The following KPNA4 variants were observed in gnomAD, a reference collection of about 807,000 sequenced individuals.
The protein encoded by KPNA4 is karyopherin subunit alpha 4.
In KPNA4, 13 loss-of-function variants were observed where a neutral mutation model predicts 71.3. The observed-to-expected ratio is 0.18, with a 90% CI of 0.12 to 0.29. The LOEUF (loss-of-function observed/expected upper bound fraction) is 0.29, where lower values mean the gene tolerates loss of function less well. KPNA4 is among the 10% of genes least tolerant of loss of function. KPNA4 has a pLI of 1.00. For missense variants in KPNA4, 334 were observed against 603.2 expected (o/e 0.55, Z 4.67); for synonymous variants, 189 against 195.2 (o/e 0.97, Z 0.26).
intron 1 of KPNA4, among the ~76,000 whole-genome samples, chr3:160,545,130 C>G (rs1221225966): frequency 6.6e-6 from 1 of 152,200 alleles, no homozygotes; most frequent in Non-Finnish European, 1.5e-5. Flanking sequence ...TTCAAATAAG[C>G]TATTTTTCCT....
chr3:160,516,113 A>G (rs1012098014), intron 11 of KPNA4, among the ~76,000 whole-genome samples: 7 of 151,878 alleles, frequency 4.6e-5, no homozygotes, highest in Non-Finnish European at 2.9e-5. Context: ...CAGCCTCCTG[A>G]GCAGCTGGGA....
At chr3:160,540,085 C>T (rs1214678825) in intron 1 of KPNA4, among the ~76,000 whole-genome samples, 10 of 150,756 alleles carry the variant, frequency 6.6e-5, no homozygotes, top group African/African-American at 2.4e-4. Flanking sequence ...CTGCAACCTC[C>T]GCCTCCTGGG....
At chr3:160,543,341 G>GT (rs1721844224) in intron 1 of KPNA4, among the ~76,000 whole-genome samples, 1 of 152,010 alleles carries the variant, frequency 6.6e-6, no homozygotes, top group East Asian at 1.9e-4. Context: ...CTCAAAAACT[G>GT]TATCATTTTT....
intron 15 of KPNA4, among the ~76,000 whole-genome samples, chr3:160,505,914 C>CA (rs1208179946): frequency 3.9e-5 from 6 of 152,196 alleles, no homozygotes; most frequent in Non-Finnish European, 8.8e-5. Context: ...ACCTAAAACT[C>CA]AAACTGTCCA....
In KPNA4 at chr3:160,498,203, A is replaced by T. The variant is rs1720804219; in HGVS notation, c.*3901T>A. On this transcript the variant is annotated 3_prime_UTR_variant, in exon 17 of 17. Coordinates refer to ENST00000334256, the MANE Select transcript of KPNA4 (RefSeq NM_002268.5). ...ACTCTTATGAATCCCCTAAAACTGT[A>T]TGAAAAACTACCATGTATATACACT... The T allele has an allele frequency of 6.6e-6, 1 of 152,156 alleles. No homozygotes were observed. Among genetic ancestry groups the T allele is most frequent in the Non-Finnish European group, 1.5e-5 (1 of 68,028 alleles). The allele number at this position is 152,156 out of a possible 1,614,324, so 9.4% of individuals were successfully genotyped here.
intron 11 of KPNA4, among the ~76,000 whole-genome samples, chr3:160,518,390 C>G (rs1721273311): frequency 6.6e-6 from 1 of 150,830 alleles, no homozygotes; most frequent in African/African-American, 2.4e-5. Flanking sequence ...CCGCCTCGGC[C>G]TCCCAAAGTG....
chr3:160,529,563 AATTAGTGCT>A (rs74643072), intron 7 of KPNA4, among the ~76,000 whole-genome samples: 7,935 of 152,206 alleles, frequency 0.052, 258 homozygotes, highest in Middle Eastern at 0.082. Context: ...AAAATGTACA[AATTAGTGCT>A]TACATTTTTA....
chr3:160,504,385 GT>G (rs1450646273), intron 16 of KPNA4, among the ~76,000 whole-genome samples: 1 of 152,124 alleles, frequency 6.6e-6, no homozygotes, highest in Non-Finnish European at 1.5e-5. Flanking sequence ...GGAGCAATTG[GT>G]TTAATTTTAG....
Position 160,526,016 on chromosome 3 carries a change from G to A in KPNA4, c.648C>T (p.Phe216=), listed in dbSNP as rs866011751. The part of the protein sequence containing the change: ...SFISPSIPIT[F]LRNVTWVMVN... The stretch of plus-strand genomic sequence containing the variant: ...CCATAACCCAAGTAACATTTCTTAA[G>A]AATGTTATAGGAATAGATGGACTTA... The change falls in exon 9 of 17, where the codon TTC becomes TTT. Residue 216 remains phenylalanine (F), a synonymous_variant. Transcript: ENST00000334256. The A allele has an allele frequency of 6.2e-7, 1 of 1,602,274 alleles. No homozygotes were observed. Among genetic ancestry groups the A allele is most frequent in the Non-Finnish European group, 8.5e-7 (1 of 1,175,264 alleles).
At chr3:160,546,712 C>G (rs542457441) in intron 1 of KPNA4, among the ~76,000 whole-genome samples, 1 of 151,672 alleles carries the variant, frequency 6.6e-6, no homozygotes, top group South Asian at 2.1e-4. Context: ...TATCGCTCCC[C>G]ACCCCTCATC....
At chr3:160,516,257 A>G (rs555127902) in intron 11 of KPNA4, among the ~76,000 whole-genome samples, 3 of 152,106 alleles carry the variant, frequency 2.0e-5, no homozygotes, top group African/African-American at 7.2e-5. Flanking sequence ...TTCCCAAAGT[A>G]CTGGGATTAC....
At chr3:160,513,249 G>GGT (rs1721137259) in intron 13 of KPNA4, among the ~76,000 whole-genome samples, 2 of 80,626 alleles carry the variant, frequency 2.5e-5, no homozygotes, top group Admixed American at 1.7e-4. Context: ...CTACTTTGTG[G>GGT]TTTTTTTTTT....
chr3:160,536,318 C>G (rs1331714981), intron 2 of KPNA4, among the ~76,000 whole-genome samples: 1 of 152,038 alleles, frequency 6.6e-6, no homozygotes, highest in Non-Finnish European at 1.5e-5. Flanking sequence ...CAAAGTTAGA[C>G]AAAAACCAAC....
chr3:160,540,208 C>A (rs1405168847), intron 1 of KPNA4, among the ~76,000 whole-genome samples: 2 of 151,946 alleles, frequency 1.3e-5, no homozygotes, highest in Non-Finnish European at 2.9e-5. Context: ...ACCGTGTTAG[C>A]CAGGCTGGTC....
At chr3:160,529,122 T>C (rs751568519) in intron 7 of KPNA4, among the ~76,000 whole-genome samples, 12 of 151,850 alleles carry the variant, frequency 7.9e-5, no homozygotes, top group Non-Finnish European at 1.5e-4. Context: ...TTTGTAGAGA[T>C]GGGGTTTTAC....
intron 1 of KPNA4, among the ~76,000 whole-genome samples, chr3:160,559,493 T>A (rs1255636456): frequency 6.6e-6 from 1 of 152,144 alleles, no homozygotes; most frequent in African/African-American, 2.4e-5. Flanking sequence ...TGCATGGTAT[T>A]ACAAAAAGCA....
intron 13 of KPNA4, among the ~76,000 whole-genome samples, chr3:160,511,486 T>C (rs1721093770): frequency 6.6e-6 from 1 of 151,906 alleles, no homozygotes; most frequent in Non-Finnish European, 1.5e-5. Context: ...TCATACATTA[T>C]AGTGCATCCG....
chr3:160,502,261 AT>A, intron 16 of KPNA4, 59 bp from the exon 17 acceptor site: 1 of 828,112 alleles, frequency 1.2e-6, no homozygotes, highest in Non-Finnish European at 1.9e-6. Flanking sequence ...TATAAACAGT[AT>A]TATAGTACTA....
At chr3:160,560,737 C>T (rs201041232) in intron 1 of KPNA4, among the ~76,000 whole-genome samples, 2 of 151,940 alleles carry the variant, frequency 1.3e-5, no homozygotes, top group East Asian at 3.9e-4. Flanking sequence ...ATCAATGAAG[C>T]AATTCTCAAA....
Sources: allele counts gnomAD v4.1 joint callset (sites outside exome capture counted in the v4.1 genomes callset), GRCh38; gene constraint gnomAD v4.1.1; transcripts MANE v1.5; gene names NCBI Gene and HGNC (gene_info 2026-07-23, HGNC 2026-07-21).